Variants in TMEM117 observed in about 807,000 individuals in gnomAD.
TMEM117 encodes the protein transmembrane protein 117.
Under a neutral mutation model 52.4 loss-of-function variants are expected in TMEM117, and 27 were observed. The observed-to-expected ratio is 0.51, with a 90% CI of 0.38 to 0.71. The LOEUF is 0.71. TMEM117 is among the 30% of genes least tolerant of loss of function. The probability of loss-of-function intolerance (pLI) is 0.00; values close to 1 mark genes in which losing one functional copy is unlikely to be tolerated. For missense variants in TMEM117, 556 were observed against 630.5 expected, an observed-to-expected ratio of 0.88 and a Z score of 1.26; for synonymous variants, 215 against 206.3, an observed-to-expected ratio of 1.04 and a Z score of -0.36.
intron 5 of TMEM117, among the ~76,000 whole-genome samples, chr12:44,264,910 T>A (rs1950359448): frequency 6.6e-6 from 1 of 152,204 alleles, no homozygotes; most frequent in African/African-American, 2.4e-5. Flanking sequence ...AACAACCTTA[T>A]GAATTATGTA....
chr12:44,358,372 AGAAG>A lies in TMEM117; in HGVS notation c.769-18222_769-18219del, dbSNP rs1951679436. 2.6e-5 allele frequency among the ~76,000 whole-genome samples: 4 copies of A among 152,286 alleles called. No individual in the cohort carries two copies. The South Asian group carries it at 8.3e-4, about 32-fold the overall frequency. ...AATAAAATTGAAAAAAATGAAATAA[AGAAG>A]TAGCAAGTATTCTTTAATTAGAAAT... On this transcript the variant is annotated intron_variant, in intron 6 of 7. Coordinates refer to ENST00000266534, the MANE Select transcript of TMEM117 (RefSeq NM_032256.3).
chr12:44,098,282 T>C (rs1947805700), intron 3 of TMEM117, among the ~76,000 whole-genome samples: 1 of 152,038 alleles, frequency 6.6e-6, no homozygotes, highest in Non-Finnish European at 1.5e-5. Flanking sequence ...AGTGATGGCA[T>C]GATGTGGCTG....
chr12:44,236,991 G>T (rs781005589), intron 5 of TMEM117, among the ~76,000 whole-genome samples: 1 of 152,020 alleles, frequency 6.6e-6, no homozygotes, highest in Admixed American at 6.6e-5. Flanking sequence ...TGAATCATGA[G>T]CGGTTCAAGG....
intron 6 of TMEM117, among the ~76,000 whole-genome samples, chr12:44,363,273 T>C (rs1951746912): frequency 6.6e-6 from 1 of 152,134 alleles, no homozygotes; most frequent in Non-Finnish European, 1.5e-5. Context: ...ATTTTTAAAA[T>C]AGAACAAAGA....
At chr12:44,135,539 G>T (rs1299606634) in intron 3 of TMEM117, among the ~76,000 whole-genome samples, 1 of 152,118 alleles carries the variant, frequency 6.6e-6, no homozygotes, top group Non-Finnish European at 1.5e-5. Context: ...GTTTCAACAG[G>T]AATATGGAGT....
At chr12:44,205,007 C>T (rs771806192) in intron 4 of TMEM117, among the ~76,000 whole-genome samples, 2 of 152,074 alleles carry the variant, frequency 1.3e-5, no homozygotes, top group African/African-American at 2.4e-5. Flanking sequence ...AATTTTATGA[C>T]GAAGTTCCCG....
chr12:44,070,155 T>C (rs842208), intron 3 of TMEM117, among the ~76,000 whole-genome samples: 129,773 of 152,224 alleles, frequency 0.85, 55,891 homozygotes, highest in East Asian at 1. Context: ...CCTCCCAAAA[T>C]GCTGGGATTA....
At chr12:43,956,890 C>T (rs1406037868) in intron 3 of TMEM117, among the ~76,000 whole-genome samples, 2 of 152,078 alleles carry the variant, frequency 1.3e-5, no homozygotes, top group Non-Finnish European at 2.9e-5. Flanking sequence ...ATAGCAAAGA[C>T]ATGGAATCAA....
At chr12:44,389,761 G>A (rs1201686004), downstream of TMEM117, 3 of 152,264 alleles carry the variant, frequency 2.0e-5, no homozygotes, top group Admixed American at 1.3e-4. Context: ...ATACAGCAGT[G>A]ATTATGTGAT....
At chr12:43,970,458 C>T (rs10785489) in intron 3 of TMEM117, among the ~76,000 whole-genome samples, 126,178 of 151,750 alleles carry the variant, frequency 0.83, 52,835 homozygotes, top group Admixed American at 0.89. Flanking sequence ...CTGGCTAATA[C>T]TTTATATTTT....
At chr12:43,999,692 A>G (rs980340320) in intron 3 of TMEM117, among the ~76,000 whole-genome samples, 4 of 152,108 alleles carry the variant, frequency 2.6e-5, no homozygotes, top group African/African-American at 9.7e-5. Context: ...GGGTTTCACC[A>G]TGTTGCCCAA....
At chr12:44,158,361 C>T (rs1948855187) in intron 4 of TMEM117, among the ~76,000 whole-genome samples, 1 of 152,148 alleles carries the variant, frequency 6.6e-6, no homozygotes, top group Admixed American at 6.6e-5. Flanking sequence ...TTTGACAAAA[C>T]AGCTGCTCAA....
the TMEM117 span, chr12:43,797,732 A>T: frequency 6.2e-7 from 1 of 1,612,674 alleles, no homozygotes; most frequent in East Asian, 2.2e-5. Flanking sequence ...TGAGCTGTCT[A>T]TTATTCAATT....
chr12:44,148,850 T>A (rs1948682409), intron 4 of TMEM117, among the ~76,000 whole-genome samples: 1 of 152,162 alleles, frequency 6.6e-6, no homozygotes, highest in Non-Finnish European at 1.5e-5. Context: ...TTTCATTTCT[T>A]TTTTCTGGTT....
chr12:44,321,473 T>A (rs1328839133), intron 6 of TMEM117, among the ~76,000 whole-genome samples: 6 of 152,170 alleles, frequency 3.9e-5, no homozygotes, highest in Admixed American at 6.5e-5. Flanking sequence ...AGGAAGAGAT[T>A]CTGAACATGG....
At chr12:43,981,776 C>T (rs529447004) in intron 3 of TMEM117, among the ~76,000 whole-genome samples, 39 of 151,984 alleles carry the variant, frequency 2.6e-4, no homozygotes, top group Non-Finnish European at 5.3e-4. Context: ...GATGTTCACT[C>T]ATATATGGAA....
intron 4 of TMEM117, among the ~76,000 whole-genome samples, chr12:44,196,968 C>T (rs778914569): frequency 1.9e-4 from 29 of 152,126 alleles, no homozygotes; most frequent in South Asian, 6.2e-4. Flanking sequence ...AGTTATCTTC[C>T]GCACATTAGC....
In TMEM117 at chr12:44,376,698, A is replaced by G; in HGVS notation, c.872A>G (p.Lys291Arg). 1 of 1,611,026 alleles carries G rather than the reference A, an allele frequency of 6.2e-7. No homozygotes were observed. The highest frequency in any genetic ancestry group is 1.7e-5 in the Admixed American group (1 of 59,368). The change falls in exon 7 of 8, where the codon AAG becomes AGG. Residue 291 changes from lysine to arginine, a missense_variant. Coordinates refer to ENST00000266534, the MANE Select transcript of TMEM117 (RefSeq NM_032256.3). The stretch of plus-strand genomic sequence containing the variant: ...ATTCCTTTCTTCCAGAAAATCTTCA[A>G]GGAGGAATATCGTATTCACATAACA... ...FKIPFFQKIF[K>R]EEYRIHITGK... is the part of the protein sequence containing the mutation.
chr12:44,072,608 AG>A (rs1679876882), intron 3 of TMEM117, among the ~76,000 whole-genome samples: 1 of 152,206 alleles, frequency 6.6e-6, no homozygotes, highest in South Asian at 2.1e-4. Flanking sequence ...TAGGGAGCTC[AG>A]TCTGGTAATG....
Sources: gnomAD v4.1 joint callset for allele counts (sites outside exome capture counted in the v4.1 genomes callset) on GRCh38, gnomAD v4.1.1 for gene constraint, MANE v1.5 for transcripts, NCBI Gene and HGNC (gene_info 2026-07-23, HGNC 2026-07-21) for gene names.